The following TXNIP variants were observed in gnomAD, a reference collection of about 807,000 sequenced individuals.
TXNIP encodes thioredoxin interacting protein.
TXNIP carries 23 observed loss-of-function variants against 43.9 expected under a neutral mutation model. The observed-to-expected ratio is 0.52, with a 90% CI of 0.38 to 0.74. The LOEUF (loss-of-function observed/expected upper bound fraction) is 0.74, where lower values mean the gene tolerates loss of function less well. Ranked by LOEUF, TXNIP falls within the 30% of genes least tolerant of loss-of-function variation. TXNIP has a pLI of 0.00. For missense variants in TXNIP, 555 were observed against 485.4 expected, an observed-to-expected ratio of 1.14 and a Z score of -1.35; for synonymous variants, 234 against 172.2, an observed-to-expected ratio of 1.36 and a Z score of -2.81.
chr1:145,994,345 G>A lies in TXNIP; in HGVS notation c.924C>T (p.Ser308=), dbSNP rs1216008944. The A allele has an allele frequency of 4.3e-6, 7 of 1,614,096 alleles. No homozygotes were observed. The highest frequency in any genetic ancestry group is 5.9e-6 in the Non-Finnish European group (7 of 1,180,046). The part of the protein sequence containing the change: ...SRSGLSSRTS[S]MASRTSSEMS... ...TCTCAGAGCTGGTTCGGCTGGCCAT[G>A]CTGGATGTTCTGCTGCTTAGACCTG... Residue 308 remains serine, a synonymous_variant, in exon 6 of 8, where the codon AGC becomes AGT. Transcript: ENST00000582401.
Position 145,992,956 on chromosome 1 carries a change from T to G in TXNIP, c.*895A>C, listed in dbSNP as rs1651227146. 1 of 152,668 alleles carries G rather than the reference T, an allele frequency of 6.6e-6. No homozygotes were observed. The highest frequency in any genetic ancestry group is 2.4e-5 in the African/African-American group (1 of 41,436). 9.5% of individuals were successfully genotyped at this position (152,668 alleles called of 1,614,324 possible). A position where few individuals can be genotyped will look rare whatever the true frequency, so the allele number is the denominator to read the frequency against. ...CAATCTCAAAAGTAGTAAAATTTTT[T>G]TTGTCTTTTGGCTTAACCCTAGAGA... On this transcript the variant is annotated 3_prime_UTR_variant, in exon 8 of 8. Transcript: ENST00000582401.
chr1:145,995,267 T>C lies in TXNIP; in HGVS notation c.348A>G (p.Gly116=). 1 of 1,614,092 alleles carries C rather than the reference T, an allele frequency of 6.2e-7. No homozygotes were observed. Among genetic ancestry groups the C allele is most frequent in the South Asian group, 1.1e-5 (1 of 91,082 alleles). The change falls in exon 3 of 8, where the codon GGA becomes GGG. Residue 116 remains glycine, a synonymous_variant. Transcript: ENST00000582401. ...PQGPLGTSFK[G]KYGCVDYWVK... is the part of the protein sequence containing the mutation. ...CCCAGTAGTCTACACACCCATATTTTCCTTTGAAGGATGTTCCCAGAGGCC... is the reference window on the plus strand; with the variant it reads ...CCCAGTAGTCTACACACCCATATTTCCCTTTGAAGGATGTTCCCAGAGGCC...
At chr1:145,995,086 A>G (rs1266026995) in intron 3 of TXNIP, 55 bp from the exon 4 acceptor site, 2 of 1,613,200 alleles carry the variant, frequency 1.2e-6, no homozygotes, top group African/African-American at 2.7e-5. Flanking sequence ...AATGCCCAAG[A>G]CGTCTGATTT....
chr1:145,994,154 A>G lies in TXNIP; in HGVS notation c.1002T>C (p.Tyr334=), dbSNP rs782646437. The G allele has an allele frequency of 3.8e-5, 62 of 1,614,086 alleles. No homozygotes were observed. The highest frequency in any genetic ancestry group is 4.9e-5 in the Non-Finnish European group (58 of 1,180,036). The change falls in exon 7 of 8, where the codon TAT becomes TAC. Residue 334 remains tyrosine (Y), a synonymous_variant. Transcript: ENST00000582401. ...GGTGATCTTCAGGAATGACATCCAT[A>G]TAGCAGGGAGGAGCTAGAAAAGAAA... ...IPDTPEAPPC[Y]MDVIPEDHRL...
chr1:145,994,415 G>C lies in TXNIP; in HGVS notation c.854C>G (p.Ser285Cys), dbSNP rs191838229. 3 of 1,613,890 alleles carry C rather than the reference G, an allele frequency of 1.9e-6. No homozygotes were observed. Among genetic ancestry groups the C allele is most frequent in the East Asian group, 2.2e-5 (1 of 44,892 alleles). The part of the protein sequence containing the change: ...SLLIYVSVPG[S>C]KKVILDLPLV... Reference sequence around the variant, plus strand: ...GGGCAGGTCAAGGATGACCTTCTTGGATCCAGGAACGCTAACATAGATCTA... The same window carrying C: ...GGGCAGGTCAAGGATGACCTTCTTGCATCCAGGAACGCTAACATAGATCTA... The change falls in exon 6 of 8, where the codon TCC (serine) becomes TGC (cysteine). Residue 285 changes from serine to cysteine, a missense_variant. Physicochemically the swap from Ser to Cys is moderately radical, Grantham distance 112. Transcript: ENST00000582401.
rs1651320085 is a variant in TXNIP, at chr1:145,994,013, C to T, written c.1140+3G>A. Reference sequence around the variant, plus strand: ...ATTTAACAGTAAAGATGACAATCCTCACCTCAGTATAAGTCGGTGGTGGCA... The same window carrying T: ...ATTTAACAGTAAAGATGACAATCCTTACCTCAGTATAAGTCGGTGGTGGCA... On this transcript the variant is annotated splice_donor_region_variant and intron_variant, in intron 7 of 7. Coordinates refer to ENST00000582401, the MANE Select transcript of TXNIP (RefSeq NM_006472.6). 1.9e-6 allele frequency: 3 copies of T among 1,614,038 alleles called. No homozygotes were observed. The highest frequency in any genetic ancestry group is 2.5e-6 in the Non-Finnish European group (3 of 1,180,036).
rs782499030 is a variant in TXNIP, at chr1:145,994,921, G to A, written c.574+8C>T. The stretch of plus-strand genomic sequence containing the variant: ...CTGTTTTAACTGCCATAAGCACTAG[G>A]ATTTTACCTTCACAGAATCCTTTTC... On this transcript the variant is annotated splice_region_variant and intron_variant, in intron 4 of 7. Coordinates refer to ENST00000582401, the MANE Select transcript of TXNIP (RefSeq NM_006472.6). The A allele has an allele frequency of 1.2e-5, 19 of 1,614,020 alleles. 1 individual carries two copies. The Middle Eastern group carries it at 1.8e-3, about 154-fold the overall frequency.
chr1:145,995,061 G>C, intron 3 of TXNIP, 30 bp from the exon 4 acceptor site: 3 of 1,613,502 alleles, frequency 1.9e-6, no homozygotes, highest in Non-Finnish European at 2.5e-6. Context: ...AAGGTGTTTT[G>C]AGATGCTTCA....
In TXNIP at chr1:145,994,550, G is replaced by A. The variant is rs782540617; in HGVS notation, c.825C>T (p.Ser275=). 3 of 1,614,196 alleles carry A rather than the reference G, an allele frequency of 1.9e-6. No homozygotes were observed. Among genetic ancestry groups the A allele is most frequent in the Non-Finnish European group, 2.5e-6 (3 of 1,180,046 alleles). ...LGCNILRVEY[S]LLIYVSVPGS... ...CCACCCTGCATCTACCCACCAGTAA[G>A]GAATATTCAACTCGAAGGATGTTGC... The change falls in exon 5 of 8, where the codon TCC becomes TCT. Residue 275 remains serine (S), a synonymous_variant. Transcript: ENST00000582401.
In TXNIP at chr1:145,996,310, GAAA is replaced by G; in HGVS notation, c.-47_-45del. On this transcript the variant is annotated 5_prime_UTR_variant, in exon 1 of 8. Transcript: ENST00000582401. ...TTAAGAGTTAGAAATGACGGTGGAA[GAAA>G]AAAAAAGCTCCAAATCGAGGAAACC... is the stretch of plus-strand genomic sequence containing the variant. 6.5e-7 allele frequency: 1 copy of G among 1,547,590 alleles called. No individual in the cohort carries two copies. The highest frequency in any genetic ancestry group is 8.7e-7 in the Non-Finnish European group (1 of 1,146,714).
At chr1:145,995,770 T>C in intron 1 of TXNIP, 1 of 616,856 alleles carries the variant, frequency 1.6e-6, no homozygotes, top group Non-Finnish European at 2.8e-6. Flanking sequence ...ACATAAGACT[T>C]TAACTACCCG....
At position 145,994,631 on chromosome 1, in the gene TXNIP, T is replaced by C; in HGVS notation, c.744A>G (p.Ala248=). 6.2e-7 allele frequency: 1 copy of C among 1,614,232 alleles called. No homozygotes were observed. Among genetic ancestry groups the C allele is most frequent in the Non-Finnish European group, 8.5e-7 (1 of 1,180,044 alleles). Reference sequence around the variant, plus strand: ...CCCGAAGGCTCTTGCCACGCCATGATGCGCATGTCCCTGAGATAATATGAT... The same window carrying C: ...CCCGAAGGCTCTTGCCACGCCATGACGCGCATGTCCCTGAGATAATATGAT... ...RGNHIISGTC[A]SWRGKSLRVQ... The change falls in exon 5 of 8, where the codon GCA becomes GCG. Residue 248 remains alanine, a synonymous_variant. Coordinates refer to ENST00000582401, the MANE Select transcript of TXNIP (RefSeq NM_006472.6).
At position 145,996,304 on chromosome 1, in the gene TXNIP, G is replaced by C; in HGVS notation, c.-38C>G. 6.4e-7 allele frequency: 1 copy of C among 1,566,538 alleles called. No individual in the cohort carries two copies. Among genetic ancestry groups the C allele is most frequent in the Non-Finnish European group, 8.6e-7 (1 of 1,158,042 alleles). On this transcript the variant is annotated 5_prime_UTR_variant, in exon 1 of 8. Coordinates refer to ENST00000582401, the MANE Select transcript of TXNIP (RefSeq NM_006472.6). ...TTGGTTTTAAGAGTTAGAAATGACG[G>C]TGGAAGAAAAAAAAAGCTCCAAATC...
At position 145,993,834 on chromosome 1, in the gene TXNIP, T is replaced by G. The variant is rs1322340577; in HGVS notation, c.*17A>C. 2.0e-5 allele frequency: 32 copies of G among 1,613,776 alleles called. No individual in the cohort carries two copies. The highest frequency in any genetic ancestry group is 2.6e-5 in the Non-Finnish European group (31 of 1,179,874). On this transcript the variant is annotated 3_prime_UTR_variant, in exon 8 of 8. Transcript: ENST00000582401. ...AAAGAAACAAGTAGGTAAAGCTGCT[T>G]CTTTTCTTCCACATGCTCACTGCAC...
rs757127542 is a variant in TXNIP at position 145,993,656 on chromosome 1, C to G, written c.*195G>C. On this transcript the variant is annotated 3_prime_UTR_variant, in exon 8 of 8. Coordinates refer to ENST00000582401, the MANE Select transcript of TXNIP (RefSeq NM_006472.6). ...AAACACCCCTGTATCACAACATGGGCGCTGGCTGAGGATGAGTCCGCATCC... is the reference window on the plus strand; with the variant it reads ...AAACACCCCTGTATCACAACATGGGGGCTGGCTGAGGATGAGTCCGCATCC... The G allele has an allele frequency of 1.7e-6, 1 of 594,086 alleles. No homozygotes were observed. The highest frequency in any genetic ancestry group is 2.9e-6 in the Non-Finnish European group (1 of 339,646). The allele number at this position is 594,086 out of a possible 1,614,324, so 36.8% of individuals were successfully genotyped here. A position where few individuals can be genotyped will look rare whatever the true frequency, so the allele number is the denominator to read the frequency against.
At position 145,994,911 on chromosome 1, in the gene TXNIP, T is replaced by C. The variant is rs1380986181; in HGVS notation, c.574+18A>G. On this transcript the variant is annotated intron_variant, in intron 4 of 7. Coordinates refer to ENST00000582401, the MANE Select transcript of TXNIP (RefSeq NM_006472.6). ...AACCCAGTTCCTGTTTTAACTGCCA[T>C]AAGCACTAGGATTTTACCTTCACAG... 1.1e-5 allele frequency: 17 copies of C among 1,614,042 alleles called. No homozygotes were observed. The highest frequency in any genetic ancestry group is 1.4e-5 in the Non-Finnish European group (16 of 1,180,020).
In TXNIP at chr1:145,996,043, G is replaced by C. The variant is rs781960064; in HGVS notation, c.224C>G (p.Thr75Arg). 11 of 1,613,846 alleles carry C rather than the reference G, an allele frequency of 6.8e-6. No homozygotes were observed. In the East Asian group the frequency reaches 2.5e-4, roughly 36 times the overall value. The change falls in exon 1 of 8, where the codon ACG becomes AGG. Residue 75 changes from threonine (T) to arginine (R), a missense_variant. Thr to Arg is a moderately conservative substitution (Grantham distance 71, BLOSUM62 -1). Transcript: ENST00000582401. ...TGTTGGCTGGTCTTCCAGAAGAAGC[G>C]TGTCTTCATAGCGCAGGTACTCCGA... ...QTSEYLRYED[T>R]LLLEDQPTGE...
chr1:145,993,825 A>G lies in TXNIP; in HGVS notation c.*26T>C. The stretch of plus-strand genomic sequence containing the variant: ...GAGAGACAAAAAGAAACAAGTAGGT[A>G]AAGCTGCTTCTTTTCTTCCACATGC... On this transcript the variant is annotated 3_prime_UTR_variant, in exon 8 of 8. Coordinates refer to ENST00000582401, the MANE Select transcript of TXNIP (RefSeq NM_006472.6). 3 of 1,613,952 alleles carry G rather than the reference A, an allele frequency of 1.9e-6. No homozygotes were observed. The highest frequency in any genetic ancestry group is 2.5e-6 in the Non-Finnish European group (3 of 1,179,868).
In TXNIP at chr1:145,995,677, T is replaced by A. The variant is rs189564670; in HGVS notation, c.251-201A>T. 3.8e-5 allele frequency: 24 copies of A among 636,706 alleles called. No homozygotes were observed. The Admixed American group carries it at 6.6e-4, about 17-fold the overall frequency. The allele number at this position is 636,706 out of a possible 1,614,324, so 39.4% of individuals were successfully genotyped here. On this transcript the variant is annotated intron_variant, in intron 1 of 7. Coordinates refer to ENST00000582401, the MANE Select transcript of TXNIP (RefSeq NM_006472.6). Reference sequence around the variant, plus strand: ...TGTCGGGCAGCAAGTTGCCAAGCCCTGCAATACTGAAAGATTCACCCAGGA... The same window carrying A: ...TGTCGGGCAGCAAGTTGCCAAGCCCAGCAATACTGAAAGATTCACCCAGGA...
Sources: gnomAD v4.1 joint callset for allele counts on GRCh38, gnomAD v4.1.1 for gene constraint, MANE v1.5 for transcripts, NCBI Gene and HGNC (gene_info 2026-07-23, HGNC 2026-07-21) for gene names.